Variants in CLMN observed in about 807,000 individuals in gnomAD.
The protein encoded by CLMN is calmin (calponin-like, transmembrane).
CLMN carries 57 observed loss-of-function variants against 92.7 expected under a neutral mutation model. That is an observed-to-expected ratio of 0.61 (90% CI 0.50 to 0.77). The LOEUF is 0.77. CLMN is among the 30% of genes least tolerant of loss of function. CLMN has a pLI of 0.00. For missense variants in CLMN, 1,158 were observed against 1,237.5 expected (o/e 0.94, Z 0.96); for synonymous variants, 466 against 470.6 (o/e 0.99, Z 0.13).
In CLMN at chr14:95,202,969, T is replaced by C. The variant is rs1896927277; in HGVS notation, c.2380A>G (p.Ser794Gly). The change falls in exon 9 of 13, where the codon AGC (serine) becomes GGC (glycine). Residue 794 changes from serine to glycine, a missense_variant. Physicochemically the swap from Ser to Gly is moderately conservative, Grantham distance 56. Coordinates refer to ENST00000298912, the MANE Select transcript of CLMN (RefSeq NM_024734.4). ...SVPGESLPSA[S>G]DQVLYLSRGG... ...CTGCTGAGATACAGCACCTGGTCGCTGGCACTGGGGAGGCTCTCTCCTGGC... is the reference window on the plus strand; with the variant it reads ...CTGCTGAGATACAGCACCTGGTCGCCGGCACTGGGGAGGCTCTCTCCTGGC... 6.2e-7 allele frequency: 1 copy of C among 1,614,070 alleles called. No homozygotes were observed. Among genetic ancestry groups the C allele is most frequent in the Non-Finnish European group, 8.5e-7 (1 of 1,179,992 alleles).
At chr14:95,270,462 A>G (rs1342504292) in intron 1 of CLMN, among the ~76,000 whole-genome samples, 1 of 152,238 alleles carries the variant, frequency 6.6e-6, no homozygotes, top group East Asian at 1.9e-4. Flanking sequence ...TCCCCTCAGC[A>G]GCTTCAGGCA....
At chr14:95,226,318 T>A (rs1897709221) in intron 2 of CLMN, among the ~76,000 whole-genome samples, 1 of 152,170 alleles carries the variant, frequency 6.6e-6, no homozygotes, top group Non-Finnish European at 1.5e-5. Context: ...TTATACTCTA[T>A]CGTTCAGGGA....
intron 1 of CLMN, among the ~76,000 whole-genome samples, chr14:95,317,754 G>A (rs1901856143): frequency 6.6e-6 from 1 of 152,160 alleles, no homozygotes; most frequent in African/African-American, 2.4e-5. Flanking sequence ...CGACCATCTA[G>A]GGTACTGGAA....
At chr14:95,310,509 G>A (rs891365750) in intron 1 of CLMN, among the ~76,000 whole-genome samples, 8 of 152,252 alleles carry the variant, frequency 5.3e-5, no homozygotes, top group Admixed American at 2.0e-4. Context: ...TACCAAGGAA[G>A]AGGACATATT....
chr14:95,286,525 G>T (rs1442650355), intron 1 of CLMN, among the ~76,000 whole-genome samples: 3 of 152,142 alleles, frequency 2.0e-5, no homozygotes, highest in Admixed American at 2.0e-4. Context: ...TTCTTTGGGG[G>T]TGATGAAACT....
At chr14:95,228,523 T>A (rs1455316229) in intron 2 of CLMN, among the ~76,000 whole-genome samples, 3 of 152,232 alleles carry the variant, frequency 2.0e-5, no homozygotes, top group Non-Finnish European at 2.9e-5. Flanking sequence ...ATCCTAGACC[T>A]AAAGATAAAC....
At position 95,259,221 on chromosome 14, in the gene CLMN, G is replaced by T. The variant is rs934190351; in HGVS notation, c.83-29088C>A. Among the ~76,000 whole-genome samples the T allele has an allele frequency of 6.6e-6, 1 of 152,066 alleles. No individual in the cohort carries two copies. The highest frequency in any genetic ancestry group is 2.4e-5 in the African/African-American group (1 of 41,372). On this transcript the variant is annotated intron_variant, in intron 1 of 12. Transcript: ENST00000298912. This position sits in a 1 kb window ranked among gnomAD's most constrained non-coding sequence, Gnocchi z 4.3. ...GCAGGGCTAGGAAAGCAGTGGGCCG[G>T]CCTCCTAGTGTCAGAGGTATAGACA...
At chr14:95,309,039 T>TA (rs1901412304) in intron 1 of CLMN, among the ~76,000 whole-genome samples, 1 of 152,152 alleles carries the variant, frequency 6.6e-6, no homozygotes, top group Non-Finnish European at 1.5e-5. Context: ...ATTGTGGGGC[T>TA]AATCCCGCGT....
rs1897834704 is a variant in CLMN, at chr14:95,230,065, C to T, written c.144+7G>A. 3 of 1,613,828 alleles carry T rather than the reference C, an allele frequency of 1.9e-6. No homozygotes were observed. Among genetic ancestry groups the T allele is most frequent in the South Asian group, 2.2e-5 (2 of 91,084 alleles). ...ATCACTTAGCAAACACCCAAGTGCG[C>T]CATTACCTTTTCTAGATGTAGATTT... On this transcript the variant is annotated splice_region_variant and intron_variant, in intron 2 of 12. Coordinates refer to ENST00000298912, the MANE Select transcript of CLMN (RefSeq NM_024734.4).
chr14:95,259,032 T>TGTGTG lies in CLMN; in HGVS notation c.83-28904_83-28900dup, dbSNP rs1250405998. On this transcript the variant is annotated intron_variant, in intron 1 of 12. Coordinates refer to ENST00000298912, the MANE Select transcript of CLMN (RefSeq NM_024734.4). This position sits in a 1 kb window ranked among gnomAD's most constrained non-coding sequence, Gnocchi z 4.3. The stretch of plus-strand genomic sequence containing the variant: ...ATGTGTGATATGTGTTGTGTGTGTT[T>TGTGTG]GTGTGGTGTGGTGTGTGGAGAATGT... 2.0e-5 allele frequency among the ~76,000 whole-genome samples: 3 copies of TGTGTG among 150,502 alleles called. No homozygotes were observed. Among genetic ancestry groups the TGTGTG allele is most frequent in the African/African-American group, 4.9e-5 (2 of 40,434 alleles).
intron 1 of CLMN, among the ~76,000 whole-genome samples, chr14:95,262,966 T>C (rs73333271): frequency 0.021 from 3,220 of 152,290 alleles, 132 homozygotes; most frequent in African/African-American, 0.073. Context: ...AACTAGGCCA[T>C]GGTCTCAGAG....
At chr14:95,271,555 T>C (rs969731529) in intron 1 of CLMN, among the ~76,000 whole-genome samples, 8 of 152,192 alleles carry the variant, frequency 5.3e-5, no homozygotes, top group Admixed American at 3.9e-4. Context: ...GTCACTAAAA[T>C]TATCATGCAG....
At chr14:95,281,739 T>C (rs1466755569) in intron 1 of CLMN, among the ~76,000 whole-genome samples, 3 of 152,248 alleles carry the variant, frequency 2.0e-5, no homozygotes, top group Non-Finnish European at 4.4e-5. Flanking sequence ...TATTTTGCTT[T>C]ACTGTTGTGG....
intron 1 of CLMN, among the ~76,000 whole-genome samples, chr14:95,248,359 C>A (rs537281072): frequency 6.6e-6 from 1 of 152,256 alleles, no homozygotes; most frequent in South Asian, 2.1e-4. Context: ...AACATAGAGA[C>A]CTTGACTCAA....
chr14:95,196,505 G>A lies in CLMN; in HGVS notation c.2701C>T (p.Pro901Ser). 6.2e-7 allele frequency: 1 copy of A among 1,608,656 alleles called. No homozygotes were observed. Among genetic ancestry groups the A allele is most frequent in the Non-Finnish European group, 8.5e-7 (1 of 1,178,472 alleles). Residue 901 changes from proline to serine, a missense_variant, in exon 10 of 13, where the codon CCT (proline) becomes TCT (serine). Pro to Ser is a moderately conservative substitution (Grantham distance 74, BLOSUM62 -1). Coordinates refer to ENST00000298912, the MANE Select transcript of CLMN (RefSeq NM_024734.4). ...LEEDSSDYSIPSRTSHSDSSI... is the reference protein window; with the variant it reads ...LEEDSSDYSISSRTSHSDSSI... ...AAGAGATGAATAAAATACCTGGAAG[G>A]AATGCTGTAGTCGCTACTGTCTTCT...
In CLMN at chr14:95,240,186, T is replaced by G. The variant is rs200773866; in HGVS notation, c.83-10053A>C. On this transcript the variant is annotated intron_variant, in intron 1 of 12. Transcript: ENST00000298912. ...CAATTCTCAGGATGTATTCCTGTTG[T>G]GAAGCGATGTAGGACTGCACAGAGA... 1.8e-4 allele frequency among the ~76,000 whole-genome samples: 27 copies of G among 152,332 alleles called. No homozygotes were observed. In the East Asian group the frequency reaches 4.1e-3, roughly 23 times the overall value.
At chr14:95,303,516 C>T (rs989436917) in intron 1 of CLMN, among the ~76,000 whole-genome samples, 2 of 152,348 alleles carry the variant, frequency 1.3e-5, no homozygotes, top group African/African-American at 2.4e-5. Context: ...TGCAGCTGCA[C>T]CCCATATGGG....
At chr14:95,245,234 T>C (rs1464691437) in intron 1 of CLMN, among the ~76,000 whole-genome samples, 19 of 34,686 alleles carry the variant, frequency 5.5e-4, no homozygotes, top group African/African-American at 3.0e-3. Flanking sequence ...ATTATATATA[T>C]ATATTATATA....
chr14:95,231,193 CTTTTT>C lies in CLMN; in HGVS notation c.83-1065_83-1061del, dbSNP rs59211402. Among the ~76,000 whole-genome samples the C allele has an allele frequency of 8.2e-4, 113 of 137,324 alleles. 1 individual carries two copies. The South Asian group carries it at 0.015, about 18-fold the overall frequency. 90.1% of individuals were successfully genotyped at this position (137,324 alleles called of 152,430 possible). Reference sequence around the variant, plus strand: ...TCAACAGAGGCATTAAATCCTCTAACTTTTTTTTTTTTTTTTTTTTTGATACAGAG... The same window carrying C: ...TCAACAGAGGCATTAAATCCTCTAACTTTTTTTTTTTTTTTTGATACAGAG... On this transcript the variant is annotated intron_variant, in intron 1 of 12. Coordinates refer to ENST00000298912, the MANE Select transcript of CLMN (RefSeq NM_024734.4).
Sources: allele counts gnomAD v4.1 joint callset (sites outside exome capture counted in the v4.1 genomes callset), GRCh38; gene constraint gnomAD v4.1.1; non-coding constraint Gnocchi (gnomAD v3.1); transcripts MANE v1.5; gene names NCBI Gene and HGNC (gene_info 2026-07-23, HGNC 2026-07-21).